INTS7: variants seen among roughly 807,000 people sequenced by gnomAD.
The protein encoded by INTS7 is integrator complex subunit 7.
Under a neutral mutation model 109.2 loss-of-function variants are expected in INTS7, and 46 were observed. That is an observed-to-expected ratio of 0.42 (90% CI 0.33 to 0.54). INTS7 has a LOEUF of 0.54. INTS7 is among the 20% of genes least tolerant of loss of function. The pLI is 0.07. For missense variants in INTS7, 929 were observed against 1,132.4 expected, an observed-to-expected ratio of 0.82 and a Z score of 2.58; for synonymous variants, 412 against 402.9, an observed-to-expected ratio of 1.02 and a Z score of -0.27.
intron 7 of INTS7, among the ~76,000 whole-genome samples, chr1:211,993,642 T>G (rs1473988688): frequency 7.1e-6 from 1 of 141,480 alleles, no homozygotes; most frequent in Non-Finnish European, 1.5e-5. Context: ...ACGGCATCAC[T>G]GCACTCCAGC....
Position 211,967,850 on chromosome 1 carries a change from AAGAAGTACT to A in INTS7, c.2114+19_2114+27del. The A allele has an allele frequency of 8.1e-7, 1 of 1,238,266 alleles. No homozygotes were observed. The highest frequency in any genetic ancestry group is 1.3e-5 in the South Asian group (1 of 78,802). 76.7% of individuals were successfully genotyped at this position (1,238,266 alleles called of 1,614,324 possible). On this transcript the variant is annotated intron_variant, in intron 15 of 19. Transcript: ENST00000366994. Reference sequence around the variant, plus strand: ...TTAAAAGAATACTTCCAAAAAGAACAAGAAGTACTAGGGCAAGCTTGGGATACAGTTCAA... The same window carrying A: ...TTAAAAGAATACTTCCAAAAAGAACAAGGGCAAGCTTGGGATACAGTTCAA...
rs1364500972 is a variant in INTS7 at position 211,946,081 on chromosome 1, G to T, written c.2415+526C>A. Among the ~76,000 whole-genome samples, 1 of 152,202 alleles carries T rather than the reference G, an allele frequency of 6.6e-6. No homozygotes were observed. Among genetic ancestry groups the T allele is most frequent in the Non-Finnish European group, 1.5e-5 (1 of 68,038 alleles). On this transcript the variant is annotated intron_variant, in intron 18 of 19. Coordinates refer to ENST00000366994, the MANE Select transcript of INTS7 (RefSeq NM_015434.4). This position sits in a 1 kb window ranked among gnomAD's most constrained non-coding sequence, Gnocchi z 4.3. Reference sequence around the variant, plus strand: ...CAGTTACCCAAATGCCTGTCTCATAGAATTTGGCACTGACAATTAAAAAGG... The same window carrying T: ...CAGTTACCCAAATGCCTGTCTCATATAATTTGGCACTGACAATTAAAAAGG...
At chr1:212,000,256 G>A (rs75493595) in intron 7 of INTS7, among the ~76,000 whole-genome samples, 8,658 of 152,200 alleles carry the variant, frequency 0.057, 282 homozygotes, top group Non-Finnish European at 0.074. Context: ...AATTAAATGG[G>A]AAACAAATGA....
chr1:211,957,169 A>T (rs1394283165), intron 16 of INTS7, among the ~76,000 whole-genome samples: 1 of 152,168 alleles, frequency 6.6e-6, no homozygotes, highest in Non-Finnish European at 1.5e-5. Flanking sequence ...GTGATTACTG[A>T]TGTCAAGCAT....
At chr1:211,961,267 G>A (rs1248681415) in intron 16 of INTS7, among the ~76,000 whole-genome samples, 2 of 151,404 alleles carry the variant, frequency 1.3e-5, no homozygotes, top group African/African-American at 4.9e-5. Flanking sequence ...GGTCATCCTC[G>A]AGACATATAA....
rs1301061737 is a variant in INTS7 at position 212,035,499 on chromosome 1, C to G, written c.-62G>C. 1.7e-6 allele frequency: 2 copies of G among 1,211,144 alleles called. No homozygotes were observed. Among genetic ancestry groups the G allele is most frequent in the Non-Finnish European group, 2.5e-6 (2 of 814,144 alleles). 75.0% of individuals were successfully genotyped at this position (1,211,144 alleles called of 1,614,324 possible). ...CTTGCAAACTCTACCCCAGGACCGC[C>G]ATCTTCCCCCGCCGCCTTCTTGCTG... On this transcript the variant is annotated 5_prime_UTR_variant, in exon 1 of 20. It removes an upstream start codon present in the reference 5' UTR. Coordinates refer to ENST00000366994, the MANE Select transcript of INTS7 (RefSeq NM_015434.4).
chr1:212,020,281 GAAATA>G lies in INTS7; in HGVS notation c.225-18_225-14del. On this transcript the variant is annotated splice_polypyrimidine_tract_variant and intron_variant, in intron 2 of 19. Coordinates refer to ENST00000366994, the MANE Select transcript of INTS7 (RefSeq NM_015434.4). ...CAGGAAATTATTTCTAGAAAAACCA[GAAATA>G]AATTAGGTCACTTTAGAAAGTAATA... The G allele has an allele frequency of 1.3e-6, 2 of 1,503,196 alleles. No homozygotes were observed. The highest frequency in any genetic ancestry group is 1.8e-6 in the Non-Finnish European group (2 of 1,107,034). 93.1% of individuals were successfully genotyped at this position (1,503,196 alleles called of 1,614,324 possible). A position where few individuals can be genotyped will look rare whatever the true frequency, so the allele number is the denominator to read the frequency against.
At chr1:212,001,980 G>C (rs1357894471) in intron 7 of INTS7, among the ~76,000 whole-genome samples, 1 of 152,142 alleles carries the variant, frequency 6.6e-6, no homozygotes, top group Non-Finnish European at 1.5e-5. Flanking sequence ...AGCTGGATCT[G>C]TCCACTAAAC....
At chr1:212,020,418 T>TACAA in intron 2 of INTS7, 150 bp from the exon 3 acceptor site, 1 of 608,294 alleles carries the variant, frequency 1.6e-6, no homozygotes, top group Non-Finnish European at 2.8e-6. Flanking sequence ...TTAAAGTTTG[T>TACAA]ACTTTAGGTG....
chr1:212,020,751 C>T (rs1666654522), intron 2 of INTS7: 1 of 1,018,076 alleles, frequency 9.8e-7, no homozygotes, highest in Non-Finnish European at 1.2e-6. Context: ...ACATGCATCT[C>T]ATGCTATAAA....
chr1:211,971,034 C>T (rs1664143358), intron 13 of INTS7, among the ~76,000 whole-genome samples: 1 of 152,150 alleles, frequency 6.6e-6, no homozygotes, highest in Non-Finnish European at 1.5e-5. Flanking sequence ...AAGAAACATC[C>T]ACACACACTT....
At chr1:212,000,473 T>A (rs1571891953) in intron 7 of INTS7, among the ~76,000 whole-genome samples, 2 of 152,328 alleles carry the variant, frequency 1.3e-5, no homozygotes, top group Admixed American at 1.3e-4. Context: ...CAGTTCATTT[T>A]AAGACAGCAC....
chr1:212,033,253 T>C (rs1667251904), intron 1 of INTS7, among the ~76,000 whole-genome samples: 1 of 152,224 alleles, frequency 6.6e-6, no homozygotes, highest in Admixed American at 6.5e-5. Flanking sequence ...AGAAATACTT[T>C]AACAGGTACA....
intron 13 of INTS7, among the ~76,000 whole-genome samples, chr1:211,970,030 T>TC (rs1447470023): frequency 6.6e-6 from 1 of 151,428 alleles, no homozygotes; most frequent in East Asian, 1.9e-4. Context: ...GCCCAGCTAA[T>TC]TTTTTTTTGT....
chr1:211,975,071 T>A, intron 13 of INTS7, 95 bp downstream of exon 13: 2 of 793,826 alleles, frequency 2.5e-6, no homozygotes, highest in Non-Finnish European at 4.3e-6. Context: ...TATCAGCAGG[T>A]TTCTCAAGTT....
intron 16 of INTS7, among the ~76,000 whole-genome samples, chr1:211,955,779 C>T (rs1213692645): frequency 3.9e-5 from 6 of 152,286 alleles, no homozygotes; most frequent in Admixed American, 2.0e-4. Flanking sequence ...TTTATGCATA[C>T]GTGGCTCACT....
Position 211,981,089 on chromosome 1 carries a change from T to C in INTS7, c.1230+4A>G. 4.4e-6 allele frequency: 7 copies of C among 1,591,294 alleles called. No individual in the cohort carries two copies. Among genetic ancestry groups the C allele is most frequent in the Non-Finnish European group, 6.0e-6 (7 of 1,161,280 alleles). ...ATTACAACTTAATAAATAAAAGTTT[T>C]CACCTTTAAAGTGGCCTGAGCACCT... is the stretch of plus-strand genomic sequence containing the variant. On this transcript the variant is annotated splice_donor_region_variant and intron_variant, in intron 10 of 19. Transcript: ENST00000366994.
intron 17 of INTS7, among the ~76,000 whole-genome samples, chr1:211,947,999 T>C (rs73091053): frequency 0.062 from 9,453 of 152,258 alleles, 445 homozygotes; most frequent in African/African-American, 0.13. Flanking sequence ...TCCAAGAAGA[T>C]TTGTGTCTAT....
Position 212,035,380 on chromosome 1 carries a change from G to C in INTS7, c.58C>G (p.Leu20Val). The C allele has an allele frequency of 6.2e-7, 1 of 1,613,928 alleles. No homozygotes were observed. Among genetic ancestry groups the C allele is most frequent in the Non-Finnish European group, 8.5e-7 (1 of 1,179,768 alleles). ...LADAGYGEQE[L>V]DANSALMELD... ...TCCATAAGGGCAGAGTTGGCATCCA[G>C]TTCCTGTTCGCCATAGCCGGCATCT... Residue 20 changes from leucine to valine, a missense_variant, in exon 1 of 20, where the codon CTG becomes GTG. Physicochemically the swap from Leu to Val is conservative, Grantham distance 32. Transcript: ENST00000366994.
Sources: gnomAD v4.1 joint callset for allele counts (sites outside exome capture counted in the v4.1 genomes callset) on GRCh38, gnomAD v4.1.1 for gene constraint, Gnocchi (gnomAD v3.1) non-coding constraint, MANE v1.5 for transcripts, NCBI Gene and HGNC (gene_info 2026-07-23, HGNC 2026-07-21) for gene names.